NRXN3: variants seen among roughly 807,000 people sequenced by gnomAD.
The protein encoded by NRXN3 is neurexin 3.
A neutral mutation model predicts 137.6 loss-of-function variants in NRXN3; 32 were observed. The ratio of observed to expected loss-of-function variants is 0.23; its 90% CI spans 0.18 to 0.31. The LOEUF (loss-of-function observed/expected upper bound fraction) is 0.31. Ranked by LOEUF, NRXN3 falls within the 10% of genes least tolerant of loss-of-function variation. The probability of loss-of-function intolerance (pLI) is 1.00; values close to 1 mark genes in which losing one functional copy is unlikely to be tolerated. For missense variants in NRXN3, 1,574 were observed against 2,062.5 expected (o/e 0.76, Z 4.59); for synonymous variants, 798 against 784.5 (o/e 1.02, Z -0.29).
intron 19 of NRXN3, among the ~76,000 whole-genome samples, chr14:79,786,070 G>A (rs776928892): frequency 9.2e-5 from 14 of 152,080 alleles, no homozygotes; most frequent in Non-Finnish European, 1.8e-4. Flanking sequence ...TGTGGCCACT[G>A]TCTGATTAAT....
intron 15 of NRXN3, among the ~76,000 whole-genome samples, chr14:79,205,717 A>C (rs2066693062): frequency 5.3e-5 from 8 of 152,212 alleles, no homozygotes; most frequent in Admixed American, 5.2e-4. Flanking sequence ...GTCCTATGAC[A>C]GAAATCCAGC....
At chr14:79,470,490 G>T (rs1263706129) in intron 16 of NRXN3, among the ~76,000 whole-genome samples, 1 of 152,076 alleles carries the variant, frequency 6.6e-6, no homozygotes, top group African/African-American at 2.4e-5. Flanking sequence ...GCCCTTTTTA[G>T]GATAGCATTA....
chr14:78,631,399 T>C (rs745724102), intron 4 of NRXN3, among the ~76,000 whole-genome samples: 7 of 152,216 alleles, frequency 4.6e-5, no homozygotes, highest in Non-Finnish European at 7.3e-5. Flanking sequence ...ACAACTTCTC[T>C]AAGTCTGGGA....
At chr14:79,155,684 G>A (rs1226013896) in intron 15 of NRXN3, among the ~76,000 whole-genome samples, 1 of 151,556 alleles carries the variant, frequency 6.6e-6, no homozygotes, top group Non-Finnish European at 1.5e-5. Context: ...CAAAAGACAA[G>A]AATTAGTCCT....
intron 19 of NRXN3, among the ~76,000 whole-genome samples, chr14:79,728,666 C>T (rs1180829747): frequency 5.3e-5 from 8 of 152,162 alleles, no homozygotes; most frequent in African/African-American, 1.9e-4. Flanking sequence ...TAACATGGAG[C>T]GGAGAGGTGC....
intron 3 of NRXN3, among the ~76,000 whole-genome samples, chr14:78,289,548 C>T (rs1044738788): frequency 1.3e-5 from 2 of 151,822 alleles, no homozygotes; most frequent in African/African-American, 4.8e-5. Context: ...TAAAATTTCC[C>T]TTATTATTTT....
chr14:78,312,234 A>C (rs2078059290), intron 4 of NRXN3, among the ~76,000 whole-genome samples: 1 of 152,198 alleles, frequency 6.6e-6, no homozygotes, highest in Non-Finnish European at 1.5e-5. Context: ...GGGAACTGAT[A>C]CAACTCCAGC....
At chr14:79,342,648 C>T (rs1318875437) in intron 15 of NRXN3, among the ~76,000 whole-genome samples, 1 of 152,126 alleles carries the variant, frequency 6.6e-6, no homozygotes, top group East Asian at 1.9e-4. Context: ...GAGTTCTGTC[C>T]TACTCAGCTG....
chr14:79,614,710 G>A (rs1052974672), intron 16 of NRXN3, among the ~76,000 whole-genome samples: 10 of 145,432 alleles, frequency 6.9e-5, no homozygotes, highest in Admixed American at 2.7e-4. Context: ...AAAATGTTAC[G>A]TTAAATACTC....
At chr14:79,172,582 A>G (rs2061894596) in intron 15 of NRXN3, among the ~76,000 whole-genome samples, 1 of 152,204 alleles carries the variant, frequency 6.6e-6, no homozygotes, top group African/African-American at 2.4e-5. Context: ...ACAAGAATTT[A>G]TATTTTTAAA....
intron 4 of NRXN3, among the ~76,000 whole-genome samples, chr14:78,368,844 A>C (rs770205073): frequency 1.3e-5 from 2 of 152,200 alleles, no homozygotes; most frequent in Non-Finnish European, 2.9e-5. Flanking sequence ...AAAGACTTAC[A>C]ATATGGTCAT....
At chr14:78,748,333 T>C (rs1026077687) in intron 8 of NRXN3, among the ~76,000 whole-genome samples, 1 of 137,362 alleles carries the variant, frequency 7.3e-6, no homozygotes, top group Non-Finnish European at 1.5e-5. Context: ...AAGAGAATAC[T>C]GTATTCAAGA....
chr14:79,149,676 A>G (rs1024761014), intron 15 of NRXN3, among the ~76,000 whole-genome samples: 1 of 152,164 alleles, frequency 6.6e-6, no homozygotes, highest in Non-Finnish European at 1.5e-5. Context: ...CTATACAGAC[A>G]TAAAAAGGAA....
chr14:78,587,071 G>T (rs910057007), intron 4 of NRXN3, among the ~76,000 whole-genome samples: 2 of 152,178 alleles, frequency 1.3e-5, no homozygotes, highest in Admixed American at 1.3e-4. Context: ...AAGATTCTGT[G>T]TCCAAAGCTT....
At chr14:79,133,330 C>G (rs1260388368) in intron 15 of NRXN3, among the ~76,000 whole-genome samples, 1 of 152,018 alleles carries the variant, frequency 6.6e-6, no homozygotes, top group Non-Finnish European at 1.5e-5. Context: ...CTTCATGGCC[C>G]CTCTAGAAGT....
intron 15 of NRXN3, among the ~76,000 whole-genome samples, chr14:79,045,874 G>T (rs1003454390): frequency 2.0e-5 from 3 of 152,158 alleles, no homozygotes; most frequent in African/African-American, 7.2e-5. Context: ...TGGGGCCTGA[G>T]AATTTGCATA....
intron 2 of NRXN3, among the ~76,000 whole-genome samples, chr14:78,247,279 A>G (rs2067835709): frequency 6.6e-6 from 1 of 152,192 alleles, no homozygotes; most frequent in South Asian, 2.1e-4. Flanking sequence ...CGTTGGGTAT[A>G]TTCCCTAGGT....
chr14:78,428,663 A>G (rs898331880), intron 4 of NRXN3, among the ~76,000 whole-genome samples: 6 of 152,144 alleles, frequency 3.9e-5, no homozygotes, highest in African/African-American at 1.4e-4. Flanking sequence ...GGCAAGCTGG[A>G]GACCCAGGAA....
chr14:79,115,500 G>A (rs1338200987), intron 15 of NRXN3, among the ~76,000 whole-genome samples: 2 of 152,074 alleles, frequency 1.3e-5, no homozygotes, highest in Non-Finnish European at 2.9e-5. Flanking sequence ...AAAATCACAT[G>A]TATGGTTCAG....
Sources: gnomAD v4.1 joint callset for allele counts (sites outside exome capture counted in the v4.1 genomes callset) on GRCh38, gnomAD v4.1.1 for gene constraint, MANE v1.5 for transcripts, NCBI Gene and HGNC (gene_info 2026-07-23, HGNC 2026-07-21) for gene names.